The following SUPT6H variants were observed in gnomAD, a reference collection of about 807,000 sequenced individuals.
The protein encoded by SUPT6H is SPT6 homolog, histone chaperone and transcription elongation factor.
SUPT6H carries 11 observed loss-of-function variants against 222.3 expected under a neutral mutation model. The observed-to-expected ratio is 0.05, with a 90% confidence interval of 0.03 to 0.08. The LOEUF (loss-of-function observed/expected upper bound fraction) is 0.08. Among genes scored for constraint, SUPT6H ranks in the 10% least tolerant of loss-of-function variants. The pLI is 1.00. For missense variants in SUPT6H, 1,422 were observed against 2,216.0 expected, an observed-to-expected ratio of 0.64 and a Z score of 7.19; for synonymous variants, 762 against 801.2, an observed-to-expected ratio of 0.95 and a Z score of 0.83.
At chr17:28,686,964 C>A in intron 21 of SUPT6H, 124 bp from the exon 22 acceptor site, 1 of 1,494,326 alleles carries the variant, frequency 6.7e-7, no homozygotes, top group South Asian at 1.3e-5. Flanking sequence ...GAAATTAAAT[C>A]GGTCTCAGGA....
chr17:28,679,787 C>T lies in SUPT6H; in HGVS notation c.1349+824C>T, dbSNP rs939864806. On this transcript the variant is annotated intron_variant, in intron 11 of 36. Transcript: ENST00000314616. ...CGGGCGGGTCATGAGGTCAGGAGTT[C>T]GAGACCAGCCTGGCCAACACAGTGA... is the stretch of plus-strand genomic sequence containing the variant. Among the ~76,000 whole-genome samples the T allele has an allele frequency of 5.9e-5, 9 of 151,568 alleles. No individual in the cohort carries two copies. The East Asian group carries it at 6.0e-4, about 10-fold the overall frequency.
intron 10 of SUPT6H, 56 bp from the exon 11 acceptor site, chr17:28,678,765 G>A: frequency 1.2e-6 from 2 of 1,613,666 alleles, no homozygotes; most frequent in East Asian, 4.5e-5. Context: ...GATCAGAGCA[G>A]CCTTGAGTCT....
rs747082129 is a variant in SUPT6H, at chr17:28,695,391, A to G, written c.3814A>G (p.Ile1272Val). ...TVHCRIMKID[I>V]EKFSADLTCR... is the part of the protein sequence containing the mutation. ...TCACTGCCGCATCATGAAGATTGACATTGAGAAGTTCAGTGCAGACCTGAC... is the reference window on the plus strand; with the variant it reads ...TCACTGCCGCATCATGAAGATTGACGTTGAGAAGTTCAGTGCAGACCTGAC... The change falls in exon 29 of 37, where the codon ATT (isoleucine) becomes GTT (valine). Residue 1272 changes from isoleucine (I) to valine (V), a missense_variant. By Grantham distance (29) the Ile-to-Val change is conservative. Around this residue, in one of 13 missense-constraint regions of SUPT6H, gnomAD observed 39 missense variants for 124.2 expected, o/e 0.31. Coordinates refer to ENST00000314616, the MANE Select transcript of SUPT6H (RefSeq NM_003170.5). 11 of 1,614,034 alleles carry G rather than the reference A, an allele frequency of 6.8e-6. No homozygotes were observed. The highest frequency in any genetic ancestry group is 5.1e-6 in the Non-Finnish European group (6 of 1,180,020).
In SUPT6H at chr17:28,702,405, A is replaced by G. The variant is rs535358082; in HGVS notation, c.*780A>G. ...ACTGCCTGGGGCACATCCCTGCTCT[A>G]CTTCCCAGCCGGGTGACCCTGTGCC... On this transcript the variant is annotated 3_prime_UTR_variant, in exon 37 of 37. Coordinates refer to ENST00000314616, the MANE Select transcript of SUPT6H (RefSeq NM_003170.5). 3.3e-5 allele frequency: 5 copies of G among 152,552 alleles called. No individual in the cohort carries two copies. The highest frequency in any genetic ancestry group is 7.2e-5 in the African/African-American group (3 of 41,512). The allele number at this position is 152,552 out of a possible 1,614,324, so 9.4% of individuals were successfully genotyped here. A position where few individuals can be genotyped will look rare whatever the true frequency, so the allele number is the denominator to read the frequency against.
intron 28 of SUPT6H, among the ~76,000 whole-genome samples, chr17:28,694,566 G>A (rs2031811933): frequency 6.6e-6 from 1 of 152,212 alleles, no homozygotes; most frequent in Non-Finnish European, 1.5e-5. Flanking sequence ...GGGAAAAATA[G>A]TTCTAATAAG....
chr17:28,695,316 T>G (rs1297740618), intron 28 of SUPT6H, 36 bp from the exon 29 acceptor site: 4 of 1,598,512 alleles, frequency 2.5e-6, no homozygotes, highest in Admixed American at 1.7e-5. Context: ...CTAGATCATC[T>G]TTGTCCCTTC....
At chr17:28,689,272 C>A in intron 24 of SUPT6H, 82 bp from the exon 25 acceptor site, 2 of 1,328,306 alleles carry the variant, frequency 1.5e-6, no homozygotes, top group Admixed American at 1.8e-5. Context: ...ATTTATTTAA[C>A]CAGTTCCCCA....
chr17:28,696,014 A>T (rs2031889887), intron 29 of SUPT6H, among the ~76,000 whole-genome samples: 1 of 152,056 alleles, frequency 6.6e-6, no homozygotes, highest in Admixed American at 6.5e-5. Context: ...AAAATTTTTT[A>T]AATAGCCAGG....
chr17:28,677,376 C>G (rs2030814820), intron 7 of SUPT6H, among the ~76,000 whole-genome samples: 1 of 150,070 alleles, frequency 6.7e-6, no homozygotes, highest in Non-Finnish European at 1.5e-5. Context: ...GAGCGAGACT[C>G]CATCTCAAAA....
At chr17:28,683,218 G>T (rs780409432) in intron 15 of SUPT6H, 50 bp from the exon 16 acceptor site, 21 of 1,599,456 alleles carry the variant, frequency 1.3e-5, no homozygotes, top group Non-Finnish European at 1.8e-5. Flanking sequence ...TTCTCCTGGG[G>T]CCTGGCCCAG....
intron 1 of SUPT6H, among the ~76,000 whole-genome samples, chr17:28,667,666 A>G (rs560419220): frequency 2.6e-5 from 4 of 151,046 alleles, no homozygotes; most frequent in African/African-American, 9.7e-5. Context: ...CTTTTTCCAG[A>G]CTGTTTTCTT....
intron 26 of SUPT6H, among the ~76,000 whole-genome samples, chr17:28,690,704 G>C (rs1297218986): frequency 6.6e-6 from 1 of 152,202 alleles, no homozygotes; most frequent in African/African-American, 2.4e-5. Context: ...AACCTGGGAG[G>C]CAGAGGTTAC....
rs2031423102 is a variant in SUPT6H, at chr17:28,687,144, C to T, written c.2757C>T (p.Arg919=). 6.2e-7 allele frequency: 1 copy of T among 1,614,010 alleles called. No homozygotes were observed. The highest frequency in any genetic ancestry group is 1.3e-5 in the African/African-American group (1 of 74,922). ...VLRQAVSLAR[R]IQDPLIEFAQ... The stretch of plus-strand genomic sequence containing the variant: ...GACAGGCCGTCTCCCTGGCCCGGCG[C>T]ATCCAGGACCCTCTGATTGAATTTG... The change falls in exon 22 of 37, where the codon CGC becomes CGT. Residue 919 remains arginine (R), a synonymous_variant. Coordinates refer to ENST00000314616, the MANE Select transcript of SUPT6H (RefSeq NM_003170.5).
chr17:28,694,315 G>A (rs2031801153), intron 28 of SUPT6H, among the ~76,000 whole-genome samples: 1 of 152,256 alleles, frequency 6.6e-6, no homozygotes, highest in Middle Eastern at 3.4e-3. Flanking sequence ...AAATCTCTAG[G>A]CTCCATTTCT....
In SUPT6H at chr17:28,700,435, C is replaced by T; in HGVS notation, c.4729C>T (p.Pro1577Ser). ...IAAVTGQGQN[P>S]NATPAQWASS... ...TGCGGTGACAGGCCAAGGACAGAAC[C>T]CTAATGCCACCCCAGCCCAGTGGGC... Residue 1577 changes from proline (P) to serine (S), a missense_variant, in exon 35 of 37, where the codon CCT becomes TCT. Physicochemically the swap from Pro to Ser is moderately conservative, Grantham distance 74. Transcript: ENST00000314616. 2 of 1,614,242 alleles carry T rather than the reference C, an allele frequency of 1.2e-6. No homozygotes were observed. The highest frequency in any genetic ancestry group is 1.7e-6 in the Non-Finnish European group (2 of 1,180,052).
At chr17:28,679,660 A>G (rs188773775) in intron 11 of SUPT6H, among the ~76,000 whole-genome samples, 15,640 of 151,436 alleles carry the variant, frequency 0.1, 855 homozygotes, top group South Asian at 0.15. Flanking sequence ...GATTACAGGC[A>G]TGAGCCACTG....
rs556392556 is a variant in SUPT6H, at chr17:28,701,825, C to T, written c.*200C>T. ...TGTATGCTAGGCAACAATTCTCCCG[C>T]TCCAGACCCTCACCGACCACCTGTC... On this transcript the variant is annotated 3_prime_UTR_variant, in exon 37 of 37. Coordinates refer to ENST00000314616, the MANE Select transcript of SUPT6H (RefSeq NM_003170.5). 198 of 580,106 alleles carry T rather than the reference C, an allele frequency of 3.4e-4. No individual in the cohort carries two copies. Among genetic ancestry groups the T allele is most frequent in the African/African-American group, 3.2e-3 (172 of 53,938 alleles). The allele number at this position is 580,106 out of a possible 1,614,324, so 35.9% of individuals were successfully genotyped here. A position where few individuals can be genotyped will look rare whatever the true frequency, so the allele number is the denominator to read the frequency against.
chr17:28,699,927 G>T lies in SUPT6H; in HGVS notation c.4561+34G>T, dbSNP rs370064504. 1.9e-6 allele frequency: 3 copies of T among 1,593,690 alleles called. No homozygotes were observed. In the African/African-American group the frequency reaches 4.0e-5, roughly 21 times the overall value. On this transcript the variant is annotated intron_variant, in intron 33 of 36. Coordinates refer to ENST00000314616, the MANE Select transcript of SUPT6H (RefSeq NM_003170.5). ...TGCTCTTCCTGACTTCAGGGACGTG[G>T]CTGGAGGAACACCTAGGACCTGACT...
At position 28,689,728 on chromosome 17, in the gene SUPT6H, T is replaced by C. The variant is rs2031552957; in HGVS notation, c.3342+167T>C. Among the ~76,000 whole-genome samples, 6 of 152,186 alleles carry C rather than the reference T, an allele frequency of 3.9e-5. No homozygotes were observed. In the South Asian group the frequency reaches 1.2e-3, roughly 32 times the overall value. On this transcript the variant is annotated intron_variant, in intron 25 of 36. Coordinates refer to ENST00000314616, the MANE Select transcript of SUPT6H (RefSeq NM_003170.5). Reference sequence around the variant, plus strand: ...CTGGGCTCCTCAAGGAAGTTTTTGGTCTGCTTGTTAAGGAGCCAGGGAAGT... The same window carrying C: ...CTGGGCTCCTCAAGGAAGTTTTTGGCCTGCTTGTTAAGGAGCCAGGGAAGT...
Sources: allele counts gnomAD v4.1 joint callset (sites outside exome capture counted in the v4.1 genomes callset), GRCh38; gene constraint gnomAD v4.1.1; regional missense constraint gnomAD v4.1.1; transcripts MANE v1.5; gene names NCBI Gene and HGNC (gene_info 2026-07-23, HGNC 2026-07-21).